Variants in NRG1 observed in about 807,000 individuals in gnomAD.
NRG1 encodes the protein neuregulin 1.
A neutral mutation model predicts 63.8 loss-of-function variants in NRG1; 18 were observed. The observed-to-expected ratio is 0.28, with a 90% CI of 0.19 to 0.42. NRG1 has a LOEUF of 0.42. NRG1 is among the 10% of genes least tolerant of loss of function. NRG1 has a pLI of 1.00. For missense variants in NRG1, 762 were observed against 814.7 expected (o/e 0.94, Z 0.79); for synonymous variants, 302 against 301.3 (o/e 1.00, Z -0.02).
chr8:32,520,854 C>A (rs1830272293), intron 1 of NRG1, among the ~76,000 whole-genome samples: 1 of 152,160 alleles, frequency 6.6e-6, no homozygotes, highest in Non-Finnish European at 1.5e-5. Flanking sequence ...GGACATGAAT[C>A]CTCTCTTTGT....
chr8:32,605,576 G>T (rs762008628), exon 3 of NRG1: 2 of 1,613,118 alleles, frequency 1.2e-6, no homozygotes, highest in Admixed American at 1.7e-5. Flanking sequence ...TCAGAACTTC[G>T]CATTAACAAA....
chr8:31,882,315 T>G (rs1383791554), intron 1 of NRG1, among the ~76,000 whole-genome samples: 1 of 134,424 alleles, frequency 7.4e-6, no homozygotes, highest in African/African-American at 2.8e-5. Flanking sequence ...TGTTGAGACT[T>G]ACTGCTCAAA....
At chr8:32,403,988 G>A (rs1813589739) in intron 1 of NRG1, among the ~76,000 whole-genome samples, 2 of 152,056 alleles carry the variant, frequency 1.3e-5, no homozygotes, top group African/African-American at 2.4e-5. Context: ...AAAAACAAAT[G>A]TTCACCTACT....
chr8:31,726,568 G>A (rs1300259992), intron 1 of NRG1, among the ~76,000 whole-genome samples: 2 of 152,100 alleles, frequency 1.3e-5, no homozygotes, highest in Non-Finnish European at 2.9e-5. Context: ...GTCAAGTTTT[G>A]CAATACAGAA....
chr8:32,311,171 T>C (rs1383384074), intron 1 of NRG1, among the ~76,000 whole-genome samples: 4 of 152,184 alleles, frequency 2.6e-5, no homozygotes, highest in Non-Finnish European at 5.9e-5. Flanking sequence ...CGTATTGGAT[T>C]ACTATTATGT....
At chr8:32,547,807 T>C (rs564849900), upstream of NRG1, among the ~76,000 whole-genome samples, 3 of 152,314 alleles carry the variant, frequency 2.0e-5, no homozygotes, top group African/African-American at 7.2e-5. Context: ...CGAACTCTTC[T>C]GGGAAAGCCA....
rs138945534 is a variant in NRG1, at chr8:31,701,797, TC to T, written c.37+62369del. 6.3e-3 allele frequency among the ~76,000 whole-genome samples: 965 copies of T among 152,296 alleles called. 9 individuals carry two copies. Among genetic ancestry groups the T allele is most frequent in the African/African-American group, 0.022 (922 of 41,562 alleles). On this transcript the variant is annotated intron_variant, in intron 1 of 10. Coordinates refer to the NRG1 transcript ENST00000519301. ...AATACAAAACAACCATTTACTTATT[TC>T]CCAGAGTAATGCTTCTCAAACTTTA...
intron 1 of NRG1, among the ~76,000 whole-genome samples, chr8:31,902,353 A>C (rs910277819): frequency 1.3e-5 from 2 of 152,210 alleles, no homozygotes; most frequent in Admixed American, 6.5e-5. Context: ...GGGATAAGTT[A>C]ATAAGGTTGG....
At chr8:31,917,602 A>T (rs1217384997) in intron 1 of NRG1, among the ~76,000 whole-genome samples, 1 of 152,082 alleles carries the variant, frequency 6.6e-6, no homozygotes, top group Non-Finnish European at 1.5e-5. Flanking sequence ...TGTTTTGGTT[A>T]CTGTAGCCTT....
At chr8:31,853,971 C>G (rs1827546122) in intron 1 of NRG1, among the ~76,000 whole-genome samples, 1 of 149,070 alleles carries the variant, frequency 6.7e-6, no homozygotes. Context: ...CCCACTTGAT[C>G]ATGGTGGATA....
intron 1 of NRG1, among the ~76,000 whole-genome samples, chr8:32,174,875 C>T (rs930568951): frequency 7.2e-5 from 11 of 152,056 alleles, no homozygotes; most frequent in South Asian, 2.1e-4. Context: ...AGGACCAGAT[C>T]GATTCACAGC....
chr8:32,769,068 CCAAA>C (rs1176274052), downstream of NRG1, among the ~76,000 whole-genome samples: 1 of 152,124 alleles, frequency 6.6e-6, no homozygotes, highest in Non-Finnish European at 1.5e-5. Context: ...GACAAAAATT[CCAAA>C]CAGACACTCT....
chr8:32,280,242 A>G (rs1391922654), intron 1 of NRG1, among the ~76,000 whole-genome samples: 2 of 152,238 alleles, frequency 1.3e-5, no homozygotes, highest in African/African-American at 4.8e-5. Context: ...ATTCCGTTTG[A>G]CTTCCCTTGG....
chr8:31,705,465 C>T (rs1317462080), intron 1 of NRG1, among the ~76,000 whole-genome samples: 1 of 152,154 alleles, frequency 6.6e-6, no homozygotes, highest in Non-Finnish European at 1.5e-5. Flanking sequence ...CCAATCTTGC[C>T]ACTGCAGGAC....
intron 1 of NRG1, among the ~76,000 whole-genome samples, chr8:31,986,817 T>C (rs2129631743): frequency 6.6e-6 from 1 of 152,220 alleles, no homozygotes; most frequent in African/African-American, 2.4e-5. Context: ...TGAGTCTAAA[T>C]CTGAGGTAAT....
At chr8:31,923,832 A>C (rs1563572785) in intron 1 of NRG1, among the ~76,000 whole-genome samples, 1 of 152,078 alleles carries the variant, frequency 6.6e-6, no homozygotes, top group Non-Finnish European at 1.5e-5. Flanking sequence ...CATTGTACCC[A>C]CCAAGCAACC....
chr8:32,721,951 G>A, intron 5 of NRG1: 2 of 1,540,316 alleles, frequency 1.3e-6, no homozygotes, highest in African/African-American at 2.8e-5. Context: ...TATATTCAGA[G>A]CAAGAATAAT....
chr8:31,833,408 T>A (rs1299435994), intron 1 of NRG1, among the ~76,000 whole-genome samples: 4 of 152,188 alleles, frequency 2.6e-5, no homozygotes, highest in Non-Finnish European at 4.4e-5. Flanking sequence ...CCTCTGGACC[T>A]GTAGAGTTCT....
rs1829695468 is a variant in NRG1, at chr8:32,756,395, A to G, written c.795-8A>G. 1 of 1,601,308 alleles carries G rather than the reference A, an allele frequency of 6.2e-7. No individual in the cohort carries two copies. The highest frequency in any genetic ancestry group is 2.2e-5 in the East Asian group (1 of 44,784). On this transcript the variant is annotated splice_polypyrimidine_tract_variant and splice_region_variant and intron_variant, in intron 8 of 11. Transcript: ENST00000356819. Reference sequence around the variant, plus strand: ...AAAAAAAATAAATGCTCCCTTTCTTATGTCCAGGAAACAGCGGAAAAAGCT... The same window carrying G: ...AAAAAAAATAAATGCTCCCTTTCTTGTGTCCAGGAAACAGCGGAAAAAGCT...
Sources: gnomAD v4.1 joint callset for allele counts (sites outside exome capture counted in the v4.1 genomes callset) on GRCh38, gnomAD v4.1.1 for gene constraint, MANE v1.5 for transcripts, NCBI Gene and HGNC (gene_info 2026-07-23, HGNC 2026-07-21) for gene names.